The following SV2C variants were observed in gnomAD, a reference collection of about 807,000 sequenced individuals.
The protein encoded by SV2C is synaptic vesicle glycoprotein 2C.
SV2C carries 49 observed loss-of-function variants against 79.7 expected under a neutral mutation model. The ratio of observed to expected loss-of-function variants is 0.61; its 90% CI spans 0.49 to 0.78. The LOEUF (loss-of-function observed/expected upper bound fraction) is 0.78. Among genes scored for constraint, SV2C ranks in the 30% least tolerant of loss-of-function variants. The pLI is 0.00. For synonymous variants in SV2C, 334 were observed against 333.2 expected, an observed-to-expected ratio of 1.00 and a Z score of -0.03; for missense variants, 833 against 912.9, an observed-to-expected ratio of 0.91 and a Z score of 1.13.
At chr5:75,986,790 CTGTT>C in the SV2C span, among the ~76,000 whole-genome samples, 1 of 151,984 alleles carries the variant, frequency 6.6e-6, no homozygotes, top group African/African-American at 2.4e-5. Flanking sequence ...TGTCTTGTGT[CTGTT>C]TGTTCTGGAT....
intron 12 of SV2C, among the ~76,000 whole-genome samples, chr5:76,322,783 G>T (rs763430762): frequency 2.0e-5 from 3 of 152,114 alleles, no homozygotes; most frequent in Non-Finnish European, 2.9e-5. Context: ...ACAAGAGATG[G>T]GGAAAAGATC....
At chr5:76,057,092 T>C in the SV2C span, among the ~76,000 whole-genome samples, 1 of 152,166 alleles carries the variant, frequency 6.6e-6, no homozygotes, top group African/African-American at 2.4e-5. Flanking sequence ...TATTAGGGTA[T>C]TGATTTGAGA....
the SV2C span, among the ~76,000 whole-genome samples, chr5:75,949,115 G>A: frequency 2.0e-5 from 3 of 151,756 alleles, no homozygotes; most frequent in African/African-American, 7.3e-5. Context: ...TCTCCCTCTT[G>A]CTCCTGCTTT....
chr5:76,055,654 G>A, the SV2C span, among the ~76,000 whole-genome samples: 1 of 152,108 alleles, frequency 6.6e-6, no homozygotes, highest in Non-Finnish European at 1.5e-5. Flanking sequence ...CCATCTGTTT[G>A]TGTCCTCTCT....
chr5:76,068,419 A>G, the SV2C span, among the ~76,000 whole-genome samples: 4 of 152,140 alleles, frequency 2.6e-5, no homozygotes, highest in Admixed American at 2.6e-4. Context: ...TTTAAAAAAT[A>G]TATATAATGC....
intron 2 of SV2C, among the ~76,000 whole-genome samples, chr5:76,136,377 G>A (rs145628055): frequency 1.2e-4 from 18 of 152,272 alleles, no homozygotes; most frequent in African/African-American, 4.1e-4. Flanking sequence ...CATTTGATAA[G>A]CATTAATTGA....
the SV2C span, among the ~76,000 whole-genome samples, chr5:75,927,394 C>T: frequency 1.3e-5 from 2 of 151,712 alleles, no homozygotes; most frequent in Non-Finnish European, 2.9e-5. Flanking sequence ...ATAAGCCAGT[C>T]TCAGAAGGAC....
At chr5:76,262,753 C>T (rs1410098275) in intron 4 of SV2C, among the ~76,000 whole-genome samples, 1 of 152,184 alleles carries the variant, frequency 6.6e-6, no homozygotes, top group Non-Finnish European at 1.5e-5. Context: ...GAGTGAGTTT[C>T]TTAATCCTGA....
chr5:76,301,782 G>A (rs1423668545), intron 12 of SV2C, among the ~76,000 whole-genome samples: 1 of 151,800 alleles, frequency 6.6e-6, no homozygotes, highest in East Asian at 1.9e-4. Flanking sequence ...GGTGCCAGGT[G>A]CCTGTAATCC....
intron 12 of SV2C, among the ~76,000 whole-genome samples, chr5:76,313,465 C>A (rs894901531): frequency 6.3e-4 from 96 of 152,328 alleles, no homozygotes; most frequent in African/African-American, 2.3e-3. Flanking sequence ...CCTGCTCCCA[C>A]AACCTTGCCA....
chr5:76,018,224 C>T, the SV2C span, among the ~76,000 whole-genome samples: 2 of 152,174 alleles, frequency 1.3e-5, no homozygotes, highest in African/African-American at 2.4e-5. Context: ...ATGGTGGACA[C>T]TGTTCCCTGC....
At chr5:75,884,133 GA>G in the SV2C span, among the ~76,000 whole-genome samples, 1 of 152,136 alleles carries the variant, frequency 6.6e-6, no homozygotes, top group Non-Finnish European at 1.5e-5. Flanking sequence ...AAGGTAAACT[GA>G]AAAATAACCC....
At chr5:75,959,790 A>G in the SV2C span, among the ~76,000 whole-genome samples, 5 of 151,988 alleles carry the variant, frequency 3.3e-5, no homozygotes, top group Admixed American at 1.3e-4. Context: ...GAAATACCTG[A>G]TTTTGCAAAT....
At chr5:76,198,624 A>G (rs576146264) in intron 3 of SV2C, among the ~76,000 whole-genome samples, 10 of 152,202 alleles carry the variant, frequency 6.6e-5, no homozygotes, top group Admixed American at 2.0e-4. Flanking sequence ...TCAAGTTAAC[A>G]TGTAAAATTG....
At chr5:76,287,870 A>G (rs998640694) in intron 6 of SV2C, among the ~76,000 whole-genome samples, 6 of 152,202 alleles carry the variant, frequency 3.9e-5, no homozygotes, top group Non-Finnish European at 7.3e-5. Context: ...GCGGATTACA[A>G]GGTCAGGAGA....
Position 76,291,220 on chromosome 5 carries a change from G to T in SV2C, c.1138-1G>T. The T allele has an allele frequency of 6.2e-7, 1 of 1,608,926 alleles. No individual in the cohort carries two copies. On this transcript the variant is annotated splice_acceptor_variant, in intron 6 of 12. Transcript: ENST00000502798. LOFTEE classifies it high-confidence loss of function. ...GCGCTTTGGTCTGTTTCTCTCTACA[G>T]GTAAACAAAATAAAAACTCCTAAAC...
chr5:76,049,038 G>C, the SV2C span, among the ~76,000 whole-genome samples: 1 of 78,216 alleles, frequency 1.3e-5, no homozygotes, highest in Non-Finnish European at 2.8e-5. Flanking sequence ...AGAAAAGAGG[G>C]AGGGAGGGGA....
intron 4 of SV2C, among the ~76,000 whole-genome samples, chr5:76,236,927 A>T (rs1579973649): frequency 6.6e-6 from 1 of 152,174 alleles, no homozygotes; most frequent in East Asian, 1.9e-4. Context: ...TGTTCTCATG[A>T]CAGTGAGTGA....
chr5:76,210,320 G>A (rs1744732162), intron 4 of SV2C, among the ~76,000 whole-genome samples: 2 of 152,162 alleles, frequency 1.3e-5, no homozygotes, highest in Non-Finnish European at 1.5e-5. Context: ...GTAAGTCCAG[G>A]CCTCTGGAAC....
Sources: gnomAD v4.1 joint callset for allele counts (sites outside exome capture counted in the v4.1 genomes callset) on GRCh38, gnomAD v4.1.1 for gene constraint, MANE v1.5 for transcripts, NCBI Gene and HGNC (gene_info 2026-07-23, HGNC 2026-07-21) for gene names.